Variants in DYNC1I2 observed in about 807,000 individuals in gnomAD.
DYNC1I2 encodes dynein cytoplasmic 1 intermediate chain 2, also known as cytoplasmic dynein 1 intermediate chain 2.
In DYNC1I2, 53 loss-of-function variants were observed where a neutral mutation model predicts 88.6. The observed-to-expected ratio is 0.60, with a 90% CI of 0.48 to 0.75. DYNC1I2 has a LOEUF of 0.75. DYNC1I2 is among the 30% of genes least tolerant of loss of function. DYNC1I2 has a pLI of 0.00. For missense variants in DYNC1I2, 458 were observed against 766.6 expected (o/e 0.60, Z 4.75); for synonymous variants, 198 against 254.6 (o/e 0.78, Z 2.12).
At chr2:171,747,000 C>G (rs1190911395) in intron 17 of DYNC1I2, among the ~76,000 whole-genome samples, 1 of 151,616 alleles carries the variant, frequency 6.6e-6, no homozygotes, top group African/African-American at 2.4e-5. Flanking sequence ...TCGAGACCAG[C>G]CTGGCCAACA....
chr2:171,694,441 T>G (rs1292370477), intron 3 of DYNC1I2, among the ~76,000 whole-genome samples: 1 of 152,080 alleles, frequency 6.6e-6, no homozygotes, highest in African/African-American at 2.4e-5. Flanking sequence ...GCGGATCACC[T>G]GAGGTCGGGA....
intron 15 of DYNC1I2, among the ~76,000 whole-genome samples, chr2:171,735,808 C>T (rs947079745): frequency 1.3e-5 from 2 of 152,122 alleles, no homozygotes; most frequent in African/African-American, 4.8e-5. Context: ...AATGTTCTAC[C>T]ACATTTAACC....
Position 171,705,746 on chromosome 2 carries a change from A to C in DYNC1I2, c.227-801A>C, listed in dbSNP as rs80045591. Among the ~76,000 whole-genome samples, 501 of 152,200 alleles carry C rather than the reference A, an allele frequency of 3.3e-3. 1 individual carries two copies. Among genetic ancestry groups the C allele is most frequent in the Middle Eastern group, 6.8e-3 (2 of 294 alleles). ...CATTTTTAGGTACTTTGAATTATAC[A>C]TACAGCACCTAGCACAGTGCCACCT... On this transcript the variant is annotated intron_variant, in intron 3 of 17. Transcript: ENST00000397119.
intron 2 of DYNC1I2, among the ~76,000 whole-genome samples, chr2:171,691,219 A>AT (rs1350634216): frequency 2.0e-5 from 3 of 152,146 alleles, no homozygotes; most frequent in Non-Finnish European, 4.4e-5. Context: ...ACTTCTTTTG[A>AT]TTTTTTGTAT....
intron 15 of DYNC1I2, among the ~76,000 whole-genome samples, chr2:171,742,860 A>T (rs16859801): frequency 0.016 from 2,486 of 152,260 alleles, 56 homozygotes; most frequent in African/African-American, 0.052. Context: ...CTCTTCTGTG[A>T]GACTTTGTCT....
intron 2 of DYNC1I2, among the ~76,000 whole-genome samples, chr2:171,690,503 A>G (rs1306338498): frequency 6.6e-6 from 1 of 152,208 alleles, no homozygotes; most frequent in African/African-American, 2.4e-5. Flanking sequence ...TGTGAAAATG[A>G]CAAAACTGAT....
intron 15 of DYNC1I2, among the ~76,000 whole-genome samples, chr2:171,732,559 TCA>T (rs1688693817): frequency 2.0e-5 from 3 of 152,210 alleles, no homozygotes; most frequent in African/African-American, 4.8e-5. Flanking sequence ...TTGCTTAACG[TCA>T]CAGTTTCCAA....
chr2:171,701,962 T>A (rs1686296193), intron 3 of DYNC1I2, among the ~76,000 whole-genome samples: 1 of 152,218 alleles, frequency 6.6e-6, no homozygotes, highest in Non-Finnish European at 1.5e-5. Flanking sequence ...TCAATTCTGG[T>A]CAAGATAGAA....
rs1689950063 is a variant in DYNC1I2, at chr2:171,748,694, A to G, written c.*805A>G. On this transcript the variant is annotated 3_prime_UTR_variant, in exon 18 of 18. Transcript: ENST00000397119. ...AAGACATATTTCCTTTAAAGGATAA[A>G]TAGAAAGCTGCCTATAATTTTCACT... is the stretch of plus-strand genomic sequence containing the variant. 6.6e-6 allele frequency among the ~76,000 whole-genome samples: 1 copy of G among 152,208 alleles called. No homozygotes were observed. Among genetic ancestry groups the G allele is most frequent in the Non-Finnish European group, 1.5e-5 (1 of 68,022 alleles).
In DYNC1I2 at chr2:171,708,891, C is replaced by G. The variant is rs564635962; in HGVS notation, c.335+1514C>G. 2.6e-5 allele frequency among the ~76,000 whole-genome samples: 4 copies of G among 152,032 alleles called. No homozygotes were observed. In the South Asian group the frequency reaches 8.3e-4, roughly 32 times the overall value. On this transcript the variant is annotated intron_variant, in intron 5 of 17. Coordinates refer to ENST00000397119, the MANE Select transcript of DYNC1I2 (RefSeq NM_001378.3). Reference sequence around the variant, plus strand: ...TATTTTTTATAGAGACAGGGTTTTGCCATATTGCCCAGGCTGGACTCGAAT... The same window carrying G: ...TATTTTTTATAGAGACAGGGTTTTGGCATATTGCCCAGGCTGGACTCGAAT...
intron 17 of DYNC1I2, 110 bp from the exon 18 acceptor site, chr2:171,747,666 G>T: frequency 1.5e-6 from 1 of 675,254 alleles, no homozygotes; most frequent in South Asian, 2.3e-5. Flanking sequence ...AGGCCATTCA[G>T]GTCAATTATT....
At chr2:171,723,442 CTAT>C (rs536569396) in intron 7 of DYNC1I2, among the ~76,000 whole-genome samples, 490 of 152,104 alleles carry the variant, frequency 3.2e-3, no homozygotes, top group Admixed American at 5.4e-3. Flanking sequence ...AATAGATGTC[CTAT>C]TATTCTAAAA....
chr2:171,691,006 C>G (rs187059046), intron 2 of DYNC1I2, among the ~76,000 whole-genome samples: 1 of 152,098 alleles, frequency 6.6e-6, no homozygotes, highest in East Asian at 1.9e-4. Context: ...TATATCATAA[C>G]TTAGTTTGGA....
chr2:171,746,341 T>C (rs1689777795), intron 17 of DYNC1I2, among the ~76,000 whole-genome samples: 1 of 152,198 alleles, frequency 6.6e-6, no homozygotes, highest in South Asian at 2.1e-4. Context: ...CATCTGTGAC[T>C]TTATGCAATG....
Position 171,749,150 on chromosome 2 carries a change from T to A in DYNC1I2, c.*1261T>A, listed in dbSNP as rs1689968105. ...AGAAATTTCCAAATAATGAGTAGTG[T>A]ATAGTGTAAGGAATAATTGACCTGG... On this transcript the variant is annotated 3_prime_UTR_variant, in exon 18 of 18. Coordinates refer to ENST00000397119, the MANE Select transcript of DYNC1I2 (RefSeq NM_001378.3). Among the ~76,000 whole-genome samples, 1 of 152,146 alleles carries A rather than the reference T, an allele frequency of 6.6e-6. No homozygotes were observed. The highest frequency in any genetic ancestry group is 6.5e-5 in the Admixed American group (1 of 15,284).
chr2:171,693,067 T>G (rs1216460255), intron 3 of DYNC1I2, 173 bp downstream of exon 3: 2 of 590,340 alleles, frequency 3.4e-6, no homozygotes, highest in Non-Finnish European at 6.1e-6. Flanking sequence ...ATGGTTATTT[T>G]ATTTGTTCAA....
At chr2:171,736,567 A>G (rs1689022249) in intron 15 of DYNC1I2, among the ~76,000 whole-genome samples, 1 of 152,214 alleles carries the variant, frequency 6.6e-6, no homozygotes, top group Non-Finnish European at 1.5e-5. Flanking sequence ...CACCAAGCTA[A>G]GATAGCCTGA....
intron 3 of DYNC1I2, 134 bp from the exon 4 acceptor site, chr2:171,706,413 A>G (rs1559372952): frequency 1.4e-6 from 1 of 728,118 alleles, no homozygotes; most frequent in Non-Finnish European, 2.4e-6. Context: ...AGCTGTTGTT[A>G]TATAATGTTA....
rs1685232120 is a variant in DYNC1I2 at position 171,689,633 on chromosome 2, CA to C, written c.-9-513del. ...CTTACTATGGGCTAGCTACTATGCT[CA>C]GCTCTAGGTAATATTTATTATATAT... On this transcript the variant is annotated intron_variant, in intron 1 of 17. Coordinates refer to ENST00000397119, the MANE Select transcript of DYNC1I2 (RefSeq NM_001378.3). Among the ~76,000 whole-genome samples the C allele has an allele frequency of 2.6e-5, 4 of 152,190 alleles. No individual in the cohort carries two copies. In the South Asian group the frequency reaches 8.3e-4, roughly 32 times the overall value.
Sources: gnomAD v4.1 joint callset for allele counts (sites outside exome capture counted in the v4.1 genomes callset) on GRCh38, gnomAD v4.1.1 for gene constraint, MANE v1.5 for transcripts, NCBI Gene and HGNC (gene_info 2026-07-23, HGNC 2026-07-21) for gene names.